The following KSR2 variants were observed in gnomAD, a reference collection of about 807,000 sequenced individuals.
The protein encoded by KSR2 is kinase suppressor of ras 2.
In KSR2, 25 loss-of-function variants were observed where a neutral mutation model predicts 107.8. That is an observed-to-expected ratio of 0.23 (90% CI 0.17 to 0.32). The LOEUF is 0.32. KSR2 is among the 10% of genes least tolerant of loss of function. The pLI is 1.00. For synonymous variants in KSR2, 480 were observed against 507.0 expected (o/e 0.95, Z 0.71); for missense variants, 887 against 1,268.9 (o/e 0.70, Z 4.57).
At chr12:117,523,565 G>A (rs73403393) in intron 14 of KSR2, among the ~76,000 whole-genome samples, 3,923 of 152,246 alleles carry the variant, frequency 0.026, 166 homozygotes, top group African/African-American at 0.09. Context: ...AAACATTTTC[G>A]CAATGTTAGT....
At chr12:117,806,891 A>G (rs1891028540) in intron 3 of KSR2, among the ~76,000 whole-genome samples, 1 of 152,202 alleles carries the variant, frequency 6.6e-6, no homozygotes, top group Non-Finnish European at 1.5e-5. Flanking sequence ...AACCGAATCG[A>G]AACTCCAATT....
At chr12:117,511,209 T>C (rs1244460777) in intron 14 of KSR2, among the ~76,000 whole-genome samples, 1 of 152,210 alleles carries the variant, frequency 6.6e-6, no homozygotes. Context: ...TCGGCTTCTG[T>C]TTCCTGATGA....
chr12:117,527,352 C>CACACACACACACACACACAG (rs1565884977), intron 12 of KSR2, among the ~76,000 whole-genome samples: 87 of 144,382 alleles, frequency 6.0e-4, no homozygotes, highest in Middle Eastern at 3.6e-3. Flanking sequence ...CACACAGACA[C>CACACACACACACACACACAG]ACACACACAC....
rs116258213 is a variant in KSR2, at chr12:117,728,067, C to G, written c.986+32944G>C. Among the ~76,000 whole-genome samples the G allele has an allele frequency of 2.5e-4, 38 of 152,216 alleles. No homozygotes were observed. In the East Asian group the frequency reaches 7.4e-3, roughly 29 times the overall value. On this transcript the variant is annotated intron_variant, in intron 4 of 19. Transcript: ENST00000339824. ...TGCCTTCAGGGTGGGGCAAGATGAT[C>G]GGAGAAGGACATGAGAGAACTTTCT...
intron 5 of KSR2, among the ~76,000 whole-genome samples, chr12:117,655,624 T>C (rs1884118807): frequency 6.6e-6 from 1 of 152,222 alleles, no homozygotes; most frequent in African/African-American, 2.4e-5. Flanking sequence ...CATTACGTTC[T>C]GCTGGCCTAG....
At chr12:117,531,270 C>A (rs1047395634) in intron 11 of KSR2, among the ~76,000 whole-genome samples, 2 of 152,148 alleles carry the variant, frequency 1.3e-5, no homozygotes, top group Admixed American at 1.3e-4. Flanking sequence ...TAGCCTGAAG[C>A]ATTCATTGGT....
At chr12:117,578,601 CA>C (rs66919524) in intron 7 of KSR2, among the ~76,000 whole-genome samples, 195 of 103,978 alleles carry the variant, frequency 1.9e-3, no homozygotes, top group East Asian at 5.9e-3. Context: ...GACTCCATCT[CA>C]AAAAAAAAAA....
chr12:117,935,888 T>C (rs11068747), intron 1 of KSR2, among the ~76,000 whole-genome samples: 2,343 of 152,344 alleles, frequency 0.015, 31 homozygotes, highest in Non-Finnish European at 0.025. Context: ...CTGAGTGCTT[T>C]TCCCCCCAGA....
chr12:117,680,653 G>A (rs11068623), intron 4 of KSR2, among the ~76,000 whole-genome samples: 28,796 of 152,090 alleles, frequency 0.19, 3,255 homozygotes, highest in South Asian at 0.28. Flanking sequence ...TATGCATTAT[G>A]GTGGACTGGT....
At position 117,695,714 on chromosome 12, in the gene KSR2, C is replaced by CA. The variant is rs1331176271; in HGVS notation, c.987-28057dup. ...CGACAAAGTGAGATCCTGTCTCAAA[C>CA]AAACAAAAAAAAAAACAAGAAAAAA... On this transcript the variant is annotated intron_variant, in intron 4 of 19. Transcript: ENST00000339824. 2.1e-3 allele frequency among the ~76,000 whole-genome samples: 176 copies of CA among 85,388 alleles called. 1 individual carries two copies. Among genetic ancestry groups the CA allele is most frequent in the African/African-American group, 7.7e-3 (154 of 20,084 alleles). 56.0% of individuals were successfully genotyped at this position (85,388 alleles called of 152,430 possible).
At chr12:117,859,889 G>C (rs920000236) in intron 2 of KSR2, among the ~76,000 whole-genome samples, 1 of 152,164 alleles carries the variant, frequency 6.6e-6, no homozygotes, top group Admixed American at 6.5e-5. Flanking sequence ...TGGCAGCCAC[G>C]GGCCCCATTA....
intron 4 of KSR2, among the ~76,000 whole-genome samples, chr12:117,737,563 A>G (rs1332373241): frequency 1.3e-5 from 2 of 152,132 alleles, no homozygotes; most frequent in African/African-American, 4.8e-5. Flanking sequence ...CAGCCAGATC[A>G]CTTGAGGTCA....
chr12:117,649,594 C>G (rs1433434417), intron 5 of KSR2, among the ~76,000 whole-genome samples: 1 of 152,126 alleles, frequency 6.6e-6, no homozygotes, highest in Non-Finnish European at 1.5e-5. Context: ...AGGCTTGGAG[C>G]TGGTAAGTAA....
intron 9 of KSR2, among the ~76,000 whole-genome samples, chr12:117,553,984 G>A (rs982564401): frequency 6.6e-6 from 1 of 152,112 alleles, no homozygotes; most frequent in African/African-American, 2.4e-5. Flanking sequence ...CAGGCTTCTT[G>A]TACGGCCTGC....
rs374154062 is a variant in KSR2, at chr12:117,911,174, TCA to T, written c.181-50745_181-50744del. Among the ~76,000 whole-genome samples, 771 of 148,958 alleles carry T rather than the reference TCA, an allele frequency of 5.2e-3. 7 individuals carry two copies. The highest frequency in any genetic ancestry group is 0.016 in the African/African-American group (659 of 40,464). ...CACATTCTTTCTCTCTCTCTCTCTC[TCA>T]CACACACACACACACACACACACTC... On this transcript the variant is annotated intron_variant, in intron 1 of 19. Coordinates refer to ENST00000339824, the MANE Select transcript of KSR2 (RefSeq NM_173598.6).
Position 117,568,755 on chromosome 12 carries a change from C to G in KSR2, c.1326-10182G>C, listed in dbSNP as rs186912904. Among the ~76,000 whole-genome samples, 173 of 152,150 alleles carry G rather than the reference C, an allele frequency of 1.1e-3. No individual in the cohort carries two copies. In the Middle Eastern group the frequency reaches 0.024, roughly 21 times the overall value. On this transcript the variant is annotated intron_variant, in intron 7 of 19. Transcript: ENST00000339824. ...ATCATCATCATTATCACATCTAATCCCACCTCAGCCCCCAGTAGAATTATA... is the reference window on the plus strand; with the variant it reads ...ATCATCATCATTATCACATCTAATCGCACCTCAGCCCCCAGTAGAATTATA...
At chr12:117,473,160 G>A (rs1164242839) in intron 17 of KSR2, among the ~76,000 whole-genome samples, 9 of 152,054 alleles carry the variant, frequency 5.9e-5, no homozygotes, top group Admixed American at 5.2e-4. Flanking sequence ...TCTTCCCAAC[G>A]TTTTCCTCAC....
intron 5 of KSR2, among the ~76,000 whole-genome samples, chr12:117,646,144 GA>G (rs1418045012): frequency 4.6e-5 from 7 of 152,100 alleles, no homozygotes; most frequent in Middle Eastern, 3.4e-3. Context: ...ATAATGACAA[GA>G]AAAAAGTCAG....
chr12:117,742,955 T>G (rs1888277346), intron 4 of KSR2, among the ~76,000 whole-genome samples: 1 of 152,234 alleles, frequency 6.6e-6, no homozygotes, highest in Admixed American at 6.5e-5. Flanking sequence ...TCTCCACCTC[T>G]ACACAGTGTG....
Sources: gnomAD v4.1 joint callset for allele counts (sites outside exome capture counted in the v4.1 genomes callset) on GRCh38, gnomAD v4.1.1 for gene constraint, MANE v1.5 for transcripts, NCBI Gene and HGNC (gene_info 2026-07-23, HGNC 2026-07-21) for gene names.